CCDC120: variants seen among roughly 807,000 people sequenced by gnomAD.
CCDC120 encodes coiled-coil domain-containing protein 120.
Under a neutral mutation model 37.6 loss-of-function variants are expected in CCDC120, and 16 were observed. The ratio of observed to expected loss-of-function variants is 0.43; its 90% CI spans 0.29 to 0.65. The LOEUF is 0.65. Ranked by LOEUF, CCDC120 falls within the 30% of genes least tolerant of loss-of-function variation. The probability of loss-of-function intolerance (pLI) is 0.18; values close to 1 mark genes in which losing one functional copy is unlikely to be tolerated. For synonymous variants in CCDC120, 309 were observed against 275.4 expected (o/e 1.12, Z -1.21); for missense variants, 650 against 657.4 (o/e 0.99, Z 0.12).
At chrX:49,068,126 C>G (rs983315396) in intron 10 of CCDC120, 36 bp downstream of exon 10, 1 of 1,146,956 alleles carries the variant, frequency 8.7e-7, no homozygotes, top group Non-Finnish European at 1.2e-6. Flanking sequence ...GTAGGGGTCT[C>G]GTAAGGCAGA....
chrX:49,063,426 C>T (rs1451821987), intron 4 of CCDC120, among the ~76,000 whole-genome samples: 2 of 111,226 alleles, frequency 1.8e-5, no homozygotes, highest in Non-Finnish European at 3.8e-5. Flanking sequence ...AAAACAGGTT[C>T]TGTCCAAAAT....
intron 1 of CCDC120, chrX:49,059,376 C>A (rs2064856890): frequency 2.7e-6 from 2 of 748,933 alleles, no homozygotes; most frequent in African/African-American, 4.6e-5. Flanking sequence ...AAGTATGAGT[C>A]CCCCCTTCTC....
At chrX:49,055,202 A>G (rs782335999), upstream of CCDC120, among the ~76,000 whole-genome samples, 1 of 112,679 alleles carries the variant, frequency 8.9e-6, no homozygotes, top group African/African-American at 3.2e-5. Flanking sequence ...CAAGTGTGAA[A>G]GAATACCCTA....
rs1308536571 is a variant in CCDC120, at chrX:49,065,820, C to T, written c.1036C>T (p.Arg346Trp). Reference sequence around the variant, plus strand: ...TGTGCCTGCCACCCCTGTCCTCACCCGGGGCGCTGGCCCCCAGCTCTGCAA... The same window carrying T: ...TGTGCCTGCCACCCCTGTCCTCACCTGGGGCGCTGGCCCCCAGCTCTGCAA... ...RSVPATPVLT[R>W]GAGPQLCKPE... The change falls in exon 9 of 11, where the codon CGG (arginine) becomes TGG (tryptophan). Residue 346 changes from arginine to tryptophan, a missense_variant. Arg to Trp is a moderately radical substitution (Grantham distance 101). This residue lies in a region of CCDC120 where 576 missense variants were observed against 565.3 expected (regional missense o/e 1.02). Coordinates refer to ENST00000603986, the MANE Select transcript of CCDC120 (RefSeq NM_001163321.4). The T allele has an allele frequency of 6.9e-6, 8 of 1,166,379 alleles. No homozygotes were observed. Among genetic ancestry groups the T allele is most frequent in the Admixed American group, 2.6e-5 (1 of 38,649 alleles).
Position 49,068,247 on chromosome X carries a change from C to T in CCDC120, c.1976+157C>T, listed in dbSNP as rs1162176770. ...GGGTCACTCTACTGCACATGACCTG[C>T]ATTAGTCCATGGGGTCCTGGTGGAG... On this transcript the variant is annotated intron_variant, in intron 10 of 10. Transcript: ENST00000603986. The T allele has an allele frequency of 2.8e-6, 3 of 1,087,573 alleles. No homozygotes were observed. In the African/African-American group the frequency reaches 5.7e-5, roughly 21 times the overall value. The allele number at this position is 1,087,573 out of a possible 1,213,427, so 89.6% of individuals were successfully genotyped here.
In CCDC120 at chrX:49,067,270, T is replaced by C. The variant is rs1557081522; in HGVS notation, c.1156T>C (p.Phe386Leu). The change falls in exon 10 of 11, where the codon TTC becomes CTC. Residue 386 changes from phenylalanine to leucine, a missense_variant. By Grantham distance (22) the Phe-to-Leu change is conservative. Transcript: ENST00000603986. ...ADPASDRASL[F>L]VARTRRSNSS... ...CCCTGCCTCCGATCGCGCCTCCCTC[T>C]TCGTAGCTCGCACCCGCCGCAGCAA... 1 of 1,210,679 alleles carries C rather than the reference T, an allele frequency of 8.3e-7. No individual in the cohort carries two copies. The highest frequency in any genetic ancestry group is 1.1e-6 in the Non-Finnish European group (1 of 895,168).
intron 5 of CCDC120, 54 bp downstream of exon 5, chrX:49,064,055 G>A: frequency 1.8e-6 from 2 of 1,127,657 alleles, no homozygotes; most frequent in Non-Finnish European, 2.4e-6. Context: ...CAGGTACAGA[G>A]GAGTAGCCAG....
chrX:49,059,389 C>T (rs2064857117), intron 1 of CCDC120: 1 of 745,011 alleles, frequency 1.3e-6, no homozygotes, highest in African/African-American at 2.3e-5. Context: ...CCCTTCTCCA[C>T]CCTATCCCTG....
chrX:49,058,139 C>A (rs1602511048), upstream of CCDC120, among the ~76,000 whole-genome samples: 1 of 111,920 alleles, frequency 8.9e-6, no homozygotes, highest in African/African-American at 3.2e-5. Context: ...CTTCACCTTT[C>A]CAGGCCTCAG....
Position 49,061,988 on chromosome X carries a change from T to A in CCDC120, c.-54T>A. On this transcript the variant is annotated 5_prime_UTR_variant, in exon 2 of 11. Coordinates refer to ENST00000603986, the MANE Select transcript of CCDC120 (RefSeq NM_001163321.4). The stretch of plus-strand genomic sequence containing the variant: ...GACTCGTGGCTGTGACCCATGGGCC[T>A]CTGAGGAGGCGTTGTAAGTCCGCCC... The A allele has an allele frequency of 2.6e-6, 3 of 1,150,990 alleles. No homozygotes were observed. The highest frequency in any genetic ancestry group is 3.4e-6 in the Non-Finnish European group (3 of 870,221). The allele number at this position is 1,150,990 out of a possible 1,213,427, so 94.9% of individuals were successfully genotyped here.
intron 1 of CCDC120, among the ~76,000 whole-genome samples, chrX:49,059,766 C>T (rs1602513596): frequency 9.1e-6 from 1 of 109,449 alleles, no homozygotes; most frequent in Non-Finnish European, 1.9e-5. Context: ...GGGGGGTGCC[C>T]TCTACTGCTC....
chrX:49,068,098 G>A lies in CCDC120; in HGVS notation c.1976+8G>A. 1 of 1,163,300 alleles carries A rather than the reference G, an allele frequency of 8.6e-7. No individual in the cohort carries two copies. ...GCCCCCTGTCTCTGGCAGGTATGGG[G>A]GGTGCTTTTACTGATGGGTAGGGGT... On this transcript the variant is annotated splice_region_variant and intron_variant, in intron 10 of 10. Transcript: ENST00000603986.
chrX:49,057,934 C>G (rs1240744879), upstream of CCDC120, among the ~76,000 whole-genome samples: 1 of 111,666 alleles, frequency 9.0e-6, no homozygotes. Context: ...TCAAAGCTCT[C>G]ATTTCCTTCT....
chrX:49,068,347 G>A lies in CCDC120; in HGVS notation c.1977-197G>A, dbSNP rs1247258329. On this transcript the variant is annotated intron_variant, in intron 10 of 10. Transcript: ENST00000603986. ...AGATGAGCCTTGAAGCCAGGGTGCC[G>A]GGAGGAAGGGACATCTCATGCCCCT... 2.6e-5 allele frequency: 28 copies of A among 1,059,925 alleles called. No individual in the cohort carries two copies. In the East Asian group the frequency reaches 7.8e-4, roughly 30 times the overall value. 87.3% of individuals were successfully genotyped at this position (1,059,925 alleles called of 1,213,427 possible).
At position 49,067,822 on chromosome X, in the gene CCDC120, TG is replaced by T; in HGVS notation, c.1710del (p.Trp570Ter). 8.4e-7 allele frequency: 1 copy of T among 1,185,795 alleles called. No individual in the cohort carries two copies. Among genetic ancestry groups the T allele is most frequent in the Non-Finnish European group, 1.1e-6 (1 of 881,905 alleles). On this transcript the variant is annotated frameshift_variant, in exon 10 of 11. Transcript: ENST00000603986. LOFTEE classifies it high-confidence loss of function. ...GPEVHPNPLL[W>X]MPPPTRIPSA... ...TGAGGTGCATCCAAACCCTCTGCTG[TG>T]GATGCCCCCACCCACCCGTATCCCC...
intron 1 of CCDC120, among the ~76,000 whole-genome samples, chrX:49,060,157 C>T (rs2064867960): frequency 9.0e-6 from 1 of 111,582 alleles, no homozygotes; most frequent in Non-Finnish European, 1.9e-5. Context: ...GGGTGCAGTG[C>T]CTCACGCATG....
chrX:49,062,798 G>A, intron 4 of CCDC120, 197 bp downstream of exon 4: 2 of 470,197 alleles, frequency 4.3e-6, no homozygotes, highest in Non-Finnish European at 3.5e-6. Flanking sequence ...TGTGGCTCAC[G>A]CCTGTAATCC....
At chrX:49,064,227 C>A in intron 5 of CCDC120, 143 bp from the exon 6 acceptor site, 1 of 792,507 alleles carries the variant, frequency 1.3e-6, no homozygotes, top group Non-Finnish European at 1.8e-6. Flanking sequence ...CCCAGCCCTT[C>A]ACCAAGAGAG....
At chrX:49,056,106 A>G (rs781978356), upstream of CCDC120, among the ~76,000 whole-genome samples, 90 of 111,942 alleles carry the variant, frequency 8.0e-4, no homozygotes, top group South Asian at 0.031. Context: ...TACCAGTCGT[A>G]TCTCAAAAAT....
Sources: allele counts gnomAD v4.1 joint callset (sites outside exome capture counted in the v4.1 genomes callset), GRCh38; gene constraint gnomAD v4.1.1; regional missense constraint gnomAD v4.1.1; transcripts MANE v1.5; gene names NCBI Gene and HGNC (gene_info 2026-07-23, HGNC 2026-07-21).